The following B3GALT1 variants were observed in gnomAD, a reference collection of about 807,000 sequenced individuals.
B3GALT1 encodes the protein beta-1,3-galactosyltransferase 1.
In B3GALT1, 10 loss-of-function variants were observed where a neutral mutation model predicts 23.2. The ratio of observed to expected loss-of-function variants is 0.43; its 90% CI spans 0.27 to 0.73. The LOEUF is 0.73. Among genes scored for constraint, B3GALT1 ranks in the 30% least tolerant of loss-of-function variants. The pLI is 0.21. For synonymous variants in B3GALT1, 156 were observed against 141.5 expected, an observed-to-expected ratio of 1.10 and a Z score of -0.73; for missense variants, 299 against 405.4, an observed-to-expected ratio of 0.74 and a Z score of 2.25.
intron 2 of B3GALT1, among the ~76,000 whole-genome samples, chr2:167,544,997 CG>C (rs1364663968): frequency 6.9e-6 from 1 of 145,796 alleles, no homozygotes; most frequent in Non-Finnish European, 1.5e-5. Flanking sequence ...GAAGGGGACC[CG>C]GAAGGCCGCT....
At position 167,870,116 on chromosome 2, in the gene B3GALT1, A is replaced by C; in HGVS notation, c.*96A>C. 3 of 1,333,516 alleles carry C rather than the reference A, an allele frequency of 2.2e-6. No individual in the cohort carries two copies. Among genetic ancestry groups the C allele is most frequent in the East Asian group, 2.4e-5 (1 of 40,860 alleles). The allele number at this position is 1,333,516 out of a possible 1,614,324, so 82.6% of individuals were successfully genotyped here. A position where few individuals can be genotyped will look rare whatever the true frequency, so the allele number is the denominator to read the frequency against. On this transcript the variant is annotated 3_prime_UTR_variant, in exon 5 of 5. Coordinates refer to ENST00000392690, the MANE Select transcript of B3GALT1 (RefSeq NM_020981.4). ...AGGTGTCGGGGGAAATGAACTGGTG[A>C]AGGGGTTTTGTAAAGTTTTTGCTTC...
intron 1 of B3GALT1, among the ~76,000 whole-genome samples, chr2:167,391,932 G>T (rs1301786116): frequency 6.6e-6 from 1 of 152,038 alleles, no homozygotes; most frequent in Non-Finnish European, 1.5e-5. Flanking sequence ...ATAAGTCAAA[G>T]GTAAATCTGA....
intron 3 of B3GALT1, among the ~76,000 whole-genome samples, chr2:167,703,966 G>A (rs1686925220): frequency 6.6e-6 from 1 of 151,980 alleles, no homozygotes; most frequent in Admixed American, 6.6e-5. Context: ...CGGATCACGA[G>A]GTCAGGAGAT....
rs546705879 is a variant in B3GALT1, at chr2:167,766,432, G to A, written c.-351-52240G>A. On this transcript the variant is annotated intron_variant, in intron 3 of 4. Coordinates refer to ENST00000392690, the MANE Select transcript of B3GALT1 (RefSeq NM_020981.4). Reference sequence around the variant, plus strand: ...GAATGGAGAGATGAAAATTAAAAATGTAAACTTTATTTCTCAACATAAGCT... The same window carrying A: ...GAATGGAGAGATGAAAATTAAAAATATAAACTTTATTTCTCAACATAAGCT... Among the ~76,000 whole-genome samples the A allele has an allele frequency of 3.3e-5, 5 of 152,254 alleles. No individual in the cohort carries two copies. In the East Asian group the frequency reaches 7.7e-4, roughly 24 times the overall value.
intron 3 of B3GALT1, among the ~76,000 whole-genome samples, chr2:167,774,475 T>TG (rs1688123971): frequency 8.0e-6 from 1 of 124,966 alleles, no homozygotes; most frequent in Non-Finnish European, 1.6e-5. Context: ...TTTATTGGTT[T>TG]TTTTTTTTTG....
At chr2:167,623,528 C>G (rs1225772926) in intron 2 of B3GALT1, among the ~76,000 whole-genome samples, 3 of 152,050 alleles carry the variant, frequency 2.0e-5, no homozygotes, top group African/African-American at 7.2e-5. Context: ...CGCATATTCT[C>G]ACCCATAAGT....
At chr2:167,808,793 T>G (rs184331404) in intron 3 of B3GALT1, among the ~76,000 whole-genome samples, 158 of 152,308 alleles carry the variant, frequency 1.0e-3, no homozygotes, top group African/African-American at 3.1e-3. Flanking sequence ...AGTCTCTTTG[T>G]GGCATTCTCT....
intron 3 of B3GALT1, among the ~76,000 whole-genome samples, chr2:167,744,330 G>A (rs551625806): frequency 6.6e-6 from 1 of 152,156 alleles, no homozygotes; most frequent in South Asian, 2.1e-4. Context: ...ATTATAATAA[G>A]AGATTTCTAT....
At chr2:167,670,230 AC>A (rs930453889) in intron 3 of B3GALT1, among the ~76,000 whole-genome samples, 9 of 152,120 alleles carry the variant, frequency 5.9e-5, no homozygotes, top group Non-Finnish European at 1.3e-4. Context: ...TCAGAGCACT[AC>A]CCTAGGAAAA....
intron 3 of B3GALT1, among the ~76,000 whole-genome samples, chr2:167,701,350 C>G (rs767441561): frequency 1.3e-5 from 2 of 152,010 alleles, no homozygotes; most frequent in South Asian, 4.2e-4. Flanking sequence ...CTAGGTGTGG[C>G]GGGGTGACTA....
intron 4 of B3GALT1, among the ~76,000 whole-genome samples, chr2:167,853,859 G>A (rs1689950965): frequency 6.6e-6 from 1 of 152,106 alleles, no homozygotes; most frequent in Non-Finnish European, 1.5e-5. Flanking sequence ...TAGGGGGAGG[G>A]CGTGCAAGTG....
chr2:167,423,626 A>T (rs1698580789), intron 1 of B3GALT1, among the ~76,000 whole-genome samples: 1 of 152,144 alleles, frequency 6.6e-6, no homozygotes, highest in Admixed American at 6.5e-5. Flanking sequence ...ATTTGTTGTC[A>T]TTGTTCTTTG....
At chr2:167,529,984 T>C (rs1301387867) in intron 2 of B3GALT1, among the ~76,000 whole-genome samples, 1 of 152,166 alleles carries the variant, frequency 6.6e-6, no homozygotes, top group East Asian at 1.9e-4. Context: ...TAAAGTAATA[T>C]TTCAAATCTT....
chr2:167,313,186 C>A (rs1219301943), intron 1 of B3GALT1, among the ~76,000 whole-genome samples: 1 of 152,130 alleles, frequency 6.6e-6, no homozygotes, highest in Non-Finnish European at 1.5e-5. Context: ...AGTACCACCA[C>A]TTTTGCCATC....
chr2:167,509,529 G>C (rs1244333111), intron 2 of B3GALT1, among the ~76,000 whole-genome samples: 1 of 152,134 alleles, frequency 6.6e-6, no homozygotes, highest in Non-Finnish European at 1.5e-5. Flanking sequence ...AGATGAATAA[G>C]AAGTATTGGA....
At chr2:167,557,332 T>C (rs1308674014) in intron 2 of B3GALT1, among the ~76,000 whole-genome samples, 2 of 152,180 alleles carry the variant, frequency 1.3e-5, no homozygotes, top group Non-Finnish European at 2.9e-5. Context: ...GTTATGGATA[T>C]TTTTACCTTC....
At chr2:167,370,801 C>G in intron 1 of B3GALT1, among the ~76,000 whole-genome samples, 1 of 151,920 alleles carries the variant, frequency 6.6e-6, no homozygotes, top group East Asian at 1.9e-4. Context: ...TGGCGGGTGC[C>G]TGTAATCCCA....
chr2:167,474,827 G>A (rs1238627053), intron 1 of B3GALT1, among the ~76,000 whole-genome samples: 1 of 152,134 alleles, frequency 6.6e-6, no homozygotes, highest in Non-Finnish European at 1.5e-5. Flanking sequence ...AATTATTCAA[G>A]GTGTAGTTTG....
At position 167,396,931 on chromosome 2, in the gene B3GALT1, A is replaced by G. The variant is rs1337577714; in HGVS notation, c.-510-93246A>G. Reference sequence around the variant, plus strand: ...TGCAATGAACAAAGTTCTCAACAGCATCCTTGTGGTATTACTACAATTATT... The same window carrying G: ...TGCAATGAACAAAGTTCTCAACAGCGTCCTTGTGGTATTACTACAATTATT... On this transcript the variant is annotated intron_variant, in intron 1 of 4. Coordinates refer to ENST00000392690, the MANE Select transcript of B3GALT1 (RefSeq NM_020981.4). Among the ~76,000 whole-genome samples the G allele has an allele frequency of 3.3e-5, 5 of 152,240 alleles. No homozygotes were observed. In the East Asian group the frequency reaches 5.8e-4, roughly 18 times the overall value.
Sources: gnomAD v4.1 joint callset for allele counts (sites outside exome capture counted in the v4.1 genomes callset) on GRCh38, gnomAD v4.1.1 for gene constraint, MANE v1.5 for transcripts, NCBI Gene and HGNC (gene_info 2026-07-23, HGNC 2026-07-21) for gene names.